NPAS2: variants seen among roughly 807,000 people sequenced by gnomAD.
NPAS2 encodes the protein neuronal PAS domain protein 2, also known as neuronal PAS domain-containing protein 2.
A neutral mutation model predicts 107.5 loss-of-function variants in NPAS2; 23 were observed. That is an observed-to-expected ratio of 0.21 (90% CI 0.15 to 0.30). NPAS2 has a LOEUF of 0.30. NPAS2 is among the 10% of genes least tolerant of loss of function. The pLI is 1.00. For missense variants in NPAS2, 756 were observed against 1,043.3 expected, an observed-to-expected ratio of 0.72 and a Z score of 3.79; for synonymous variants, 403 against 417.5, an observed-to-expected ratio of 0.97 and a Z score of 0.42.
At chr2:100,855,792 C>T (rs1169149689) in intron 1 of NPAS2, among the ~76,000 whole-genome samples, 1 of 152,204 alleles carries the variant, frequency 6.6e-6, no homozygotes, top group Non-Finnish European at 1.5e-5. Context: ...CAGATGGTAG[C>T]ACCAGCTTCA....
Position 100,988,261 on chromosome 2 carries a change from T to C in NPAS2, c.1812T>C (p.Ser604=). The C allele has an allele frequency of 2.5e-6, 4 of 1,613,684 alleles. No individual in the cohort carries two copies. Among genetic ancestry groups the C allele is most frequent in the African/African-American group, 1.3e-5 (1 of 75,064 alleles). ...VTSQHLLRES[S]VISTQGPKPM... is the part of the protein sequence containing the mutation. ...GCCAGCACCTGCTCAGAGAATCAAG[T>C]GTGATATCAACCCAGGTAAATGTGC... Residue 604 remains serine, a synonymous_variant, in exon 17 of 21, where the codon AGT becomes AGC. Coordinates refer to ENST00000335681, the MANE Select transcript of NPAS2 (RefSeq NM_002518.4).
intron 1 of NPAS2, among the ~76,000 whole-genome samples, chr2:100,846,019 G>C (rs1202771950): frequency 2.0e-5 from 3 of 152,214 alleles, no homozygotes; most frequent in Admixed American, 6.5e-5. Context: ...TCCCCACCCT[G>C]GGTGCGGTGT....
chr2:100,964,832 CTTTT>C, intron 8 of NPAS2, 25 bp from the exon 9 acceptor site: 4 of 1,227,712 alleles, frequency 3.3e-6, no homozygotes, highest in East Asian at 2.6e-5. Flanking sequence ...ACCCAAGCAA[CTTTT>C]TTTTTTTTTC....
At chr2:100,993,846 G>A (rs781213147) in intron 20 of NPAS2, 20 of 288,012 alleles carry the variant, frequency 6.9e-5, no homozygotes, top group African/African-American at 3.0e-4. Context: ...AGCAAAAGTC[G>A]AAAAACATTG....
In NPAS2 at chr2:100,937,774, G is replaced by A. The variant is rs753351516; in HGVS notation, c.295G>A (p.Ala99Thr). The A allele has an allele frequency of 2.0e-5, 33 of 1,613,966 alleles. No homozygotes were observed. The highest frequency in any genetic ancestry group is 1.2e-4 in the Admixed American group (7 of 60,012). ...ACAGGCATTAGATGGCTTCATTATC[G>A]CAGTGACAACAGACGGCAGCATCAT... ...MLEALDGFII[A>T]VTTDGSIIYV... The change falls in exon 5 of 21, where the codon GCA (alanine) becomes ACA (threonine). Residue 99 changes from alanine to threonine, a missense_variant. By Grantham distance (58) the Ala-to-Thr change is moderately conservative. Coordinates refer to ENST00000335681, the MANE Select transcript of NPAS2 (RefSeq NM_002518.4).
chr2:100,974,772 A>G (rs759964910), intron 12 of NPAS2, 31 bp from the exon 13 acceptor site: 4 of 1,596,078 alleles, frequency 2.5e-6, no homozygotes, highest in Non-Finnish European at 3.4e-6. Context: ...CTTGATGCTG[A>G]CATGAGGACT....
chr2:100,976,646 T>C lies in NPAS2; in HGVS notation c.1393-1064T>C, dbSNP rs1487721869. 1 of 152,124 alleles carries C rather than the reference T, an allele frequency of 6.6e-6. No homozygotes were observed. The highest frequency in any genetic ancestry group is 1.5e-5 in the Non-Finnish European group (1 of 68,048). The allele number at this position is 152,124 out of a possible 1,614,324, so 9.4% of individuals were successfully genotyped here. ...CTGCTTGCTGTCTCCATAAAGGCTGTGCACACCCTGCTTGAGAAGCTTGGG... is the reference window on the plus strand; with the variant it reads ...CTGCTTGCTGTCTCCATAAAGGCTGCGCACACCCTGCTTGAGAAGCTTGGG... On this transcript the variant is annotated intron_variant, in intron 14 of 20. Coordinates refer to ENST00000335681, the MANE Select transcript of NPAS2 (RefSeq NM_002518.4). The surrounding 1 kb of genome is among the most constrained non-coding windows in gnomAD (Gnocchi z 4.1).
upstream of NPAS2, chr2:100,820,066 T>C (rs1255423379): frequency 1.2e-5 from 1 of 85,270 alleles, no homozygotes; most frequent in South Asian, 4.1e-4. This position sits in a 1 kb window ranked among gnomAD's most constrained non-coding sequence, Gnocchi z 5.6. Context: ...GAGGGGGAGG[T>C]GGAGAGGGAG....
At chr2:100,853,717 CGTG>C (rs1357812919) in intron 1 of NPAS2, among the ~76,000 whole-genome samples, 1 of 152,044 alleles carries the variant, frequency 6.6e-6, no homozygotes, top group African/African-American at 2.4e-5. Flanking sequence ...ACGGTGGACA[CGTG>C]GAGGAGAACA....
Position 100,971,092 on chromosome 2 carries a change from A to G in NPAS2, c.1140+18A>G, listed in dbSNP as rs1676518407. On this transcript the variant is annotated intron_variant, in intron 12 of 20. Coordinates refer to ENST00000335681, the MANE Select transcript of NPAS2 (RefSeq NM_002518.4). ...CACTAAAGGTACGCCCATCCCTGCC[A>G]GATGGATACGGCAAAGGTTGGCTAG... 1 of 1,610,762 alleles carries G rather than the reference A, an allele frequency of 6.2e-7. No individual in the cohort carries two copies. The highest frequency in any genetic ancestry group is 8.5e-7 in the Non-Finnish European group (1 of 1,177,266).
intron 7 of NPAS2, among the ~76,000 whole-genome samples, chr2:100,952,456 C>A (rs998177042): frequency 1.3e-5 from 2 of 150,318 alleles, no homozygotes; most frequent in African/African-American, 2.4e-5. Context: ...CCCAGCTACT[C>A]GGGAGGCTGA....
chr2:100,836,461 C>T (rs1050302179), intron 1 of NPAS2, among the ~76,000 whole-genome samples: 1 of 152,134 alleles, frequency 6.6e-6, no homozygotes, highest in Non-Finnish European at 1.5e-5. Flanking sequence ...AACACTGAAA[C>T]TGATTTAAGA....
At chr2:100,903,769 A>G (rs1681950662) in intron 1 of NPAS2, among the ~76,000 whole-genome samples, 1 of 152,016 alleles carries the variant, frequency 6.6e-6, no homozygotes, top group South Asian at 2.1e-4. Context: ...CATTGGCCTC[A>G]TGAGTGCCCT....
intron 2 of NPAS2, among the ~76,000 whole-genome samples, chr2:100,914,020 G>A (rs1049247675): frequency 1.3e-5 from 2 of 152,188 alleles, no homozygotes; most frequent in Admixed American, 6.5e-5. Context: ...TGCACACTAA[G>A]TGTGCACACC....
intron 1 of NPAS2, among the ~76,000 whole-genome samples, chr2:100,844,541 G>T (rs1309029503): frequency 6.6e-5 from 10 of 152,176 alleles, no homozygotes; most frequent in African/African-American, 2.2e-4. Context: ...TATAAAAGGT[G>T]TAGGGTACCA....
At chr2:100,924,773 C>T (rs953160097) in intron 2 of NPAS2, among the ~76,000 whole-genome samples, 1 of 152,200 alleles carries the variant, frequency 6.6e-6, no homozygotes, top group Non-Finnish European at 1.5e-5. Flanking sequence ...TTGAAGGGGA[C>T]TTGGTTTGAG....
chr2:100,876,747 T>A lies in NPAS2; in HGVS notation c.-22-27986T>A, dbSNP rs368370616. Reference sequence around the variant, plus strand: ...GCCTAATCCCATCTGTTTGGGCATCTCGCCTGTCTGGAAAACAGGTCCCGG... The same window carrying A: ...GCCTAATCCCATCTGTTTGGGCATCACGCCTGTCTGGAAAACAGGTCCCGG... On this transcript the variant is annotated intron_variant, in intron 1 of 20. Transcript: ENST00000335681. Among the ~76,000 whole-genome samples, 9 of 152,096 alleles carry A rather than the reference T, an allele frequency of 5.9e-5. No individual in the cohort carries two copies. In the East Asian group the frequency reaches 1.4e-3, roughly 23 times the overall value.
intron 7 of NPAS2, among the ~76,000 whole-genome samples, chr2:100,959,235 G>A (rs968964539): frequency 3.3e-5 from 5 of 151,418 alleles, no homozygotes; most frequent in Admixed American, 3.3e-4. Context: ...GCACCACTGT[G>A]TTCCAGCCTG....
chr2:100,951,326 A>G (rs779676847), intron 7 of NPAS2, among the ~76,000 whole-genome samples: 1 of 152,206 alleles, frequency 6.6e-6, no homozygotes, highest in Non-Finnish European at 1.5e-5. Context: ...CAGCAATTCT[A>G]CTTATGGGTA....
Sources: gnomAD v4.1 joint callset for allele counts (sites outside exome capture counted in the v4.1 genomes callset) on GRCh38, gnomAD v4.1.1 for gene constraint, Gnocchi (gnomAD v3.1) non-coding constraint, MANE v1.5 for transcripts, NCBI Gene and HGNC (gene_info 2026-07-23, HGNC 2026-07-21) for gene names.